ARHGEF3: variants seen among roughly 807,000 people sequenced by gnomAD.
ARHGEF3 encodes 59.8 kDA protein.
A neutral mutation model predicts 63.2 loss-of-function variants in ARHGEF3; 28 were observed. The ratio of observed to expected loss-of-function variants is 0.44; its 90% CI spans 0.33 to 0.61. The LOEUF (loss-of-function observed/expected upper bound fraction) is 0.61, where lower values mean the gene tolerates loss of function less well. Ranked by LOEUF, ARHGEF3 falls within the 20% of genes least tolerant of loss-of-function variation. ARHGEF3 has a pLI of 0.03. For missense variants in ARHGEF3, 533 were observed against 659.3 expected (o/e 0.81, Z 2.10); for synonymous variants, 266 against 254.2 (o/e 1.05, Z -0.44).
At chr3:56,891,253 AG>A (rs2041108585) in intron 3 of ARHGEF3, among the ~76,000 whole-genome samples, 1 of 151,146 alleles carries the variant, frequency 6.6e-6, no homozygotes, top group Non-Finnish European at 1.5e-5. Flanking sequence ...TCTGAGCTCA[AG>A]CAATCCTCTC....
intron 8 of ARHGEF3, among the ~76,000 whole-genome samples, chr3:56,734,644 C>T (rs1156243564): frequency 6.6e-6 from 1 of 152,130 alleles, no homozygotes; most frequent in Non-Finnish European, 1.5e-5. Context: ...AGTGGGAGCA[C>T]ATTCAATATT....
intron 2 of ARHGEF3, among the ~76,000 whole-genome samples, chr3:56,998,407 CTT>C (rs10594789): frequency 0.17 from 24,357 of 144,382 alleles, 2,177 homozygotes; most frequent in Non-Finnish European, 0.21. Context: ...GTCATCCTGA[CTT>C]TTTTTTTTTT....
chr3:56,763,358 C>G (rs2035527888), intron 2 of ARHGEF3, among the ~76,000 whole-genome samples: 1 of 152,152 alleles, frequency 6.6e-6, no homozygotes, highest in African/African-American at 2.4e-5. Flanking sequence ...TAGCAAACAG[C>G]AGACACATCT....
intron 3 of ARHGEF3, among the ~76,000 whole-genome samples, chr3:56,921,855 A>G (rs1409772706): frequency 1.3e-5 from 2 of 152,352 alleles, no homozygotes; most frequent in South Asian, 4.1e-4. Flanking sequence ...GTCTTCATCT[A>G]TGGTTTCAAC....
upstream of ARHGEF3, among the ~76,000 whole-genome samples, chr3:56,805,969 C>T (rs1049159106): frequency 6.6e-6 from 1 of 152,162 alleles, no homozygotes; most frequent in Admixed American, 6.5e-5. Context: ...AGCCTATAAA[C>T]TCAAGCCAGC....
At chr3:56,857,097 C>G (rs2039913999) in intron 4 of ARHGEF3, among the ~76,000 whole-genome samples, 1 of 151,916 alleles carries the variant, frequency 6.6e-6, no homozygotes, top group South Asian at 2.1e-4. Flanking sequence ...AGAAAAAAAG[C>G]CCTACATATT....
At chr3:56,874,177 G>A (rs958938480) in intron 4 of ARHGEF3, among the ~76,000 whole-genome samples, 3 of 152,168 alleles carry the variant, frequency 2.0e-5, no homozygotes, top group Non-Finnish European at 2.9e-5. Flanking sequence ...ACCAAACATA[G>A]GGTATCTGCT....
intron 4 of ARHGEF3, among the ~76,000 whole-genome samples, chr3:56,867,449 T>A (rs2040287386): frequency 1.4e-5 from 2 of 145,920 alleles, no homozygotes. Context: ...TGCCGAGGAG[T>A]TAAAATGCTA....
chr3:56,975,671 G>T lies in ARHGEF3; in HGVS notation c.63-16782C>A, dbSNP rs77998531. 57 of 302,004 alleles carry T rather than the reference G, an allele frequency of 1.9e-4. No homozygotes were observed. The East Asian group carries it at 5.4e-3, about 29-fold the overall frequency. 18.7% of individuals were successfully genotyped at this position (302,004 alleles called of 1,614,324 possible). On this transcript the variant is annotated intron_variant, in intron 2 of 12. Transcript: ENST00000338458. ...GTGGGATTCAAACCCAGGCAATCTG[G>T]CTCTAGAGTTGATGAACAGAGAAAC...
Position 56,968,196 on chromosome 3 carries a change from T to A in ARHGEF3, c.63-9307A>T, listed in dbSNP as rs868586374. On this transcript the variant is annotated intron_variant, in intron 2 of 12. Coordinates refer to the ARHGEF3 transcript ENST00000338458. The stretch of plus-strand genomic sequence containing the variant: ...TATATATAAAAATATATATTATATA[T>A]AATATATAAAAATATATATTATATA... Among the ~76,000 whole-genome samples, 8 of 15,524 alleles carry A rather than the reference T, an allele frequency of 5.2e-4. No homozygotes were observed. In the East Asian group the frequency reaches 0.016, roughly 31 times the overall value. The allele number at this position is 15,524 out of a possible 152,430, so 10.2% of individuals were successfully genotyped here. A position where few individuals can be genotyped will look rare whatever the true frequency, so the allele number is the denominator to read the frequency against.
intron 1 of ARHGEF3, among the ~76,000 whole-genome samples, chr3:57,061,573 T>C (rs575388584): frequency 6.6e-6 from 1 of 152,396 alleles, no homozygotes; most frequent in Admixed American, 6.5e-5. Context: ...ACCTTTTGGC[T>C]ATTGTGAATA....
intron 1 of ARHGEF3, among the ~76,000 whole-genome samples, chr3:56,795,625 C>A (rs1306794397): frequency 2.0e-5 from 3 of 149,476 alleles, no homozygotes; most frequent in Non-Finnish European, 4.4e-5. Context: ...GGAAACCTTT[C>A]CTGATTAACT....
chr3:56,811,621 A>G (rs1242985628), intron 4 of ARHGEF3, among the ~76,000 whole-genome samples: 1 of 152,210 alleles, frequency 6.6e-6, no homozygotes, highest in Non-Finnish European at 1.5e-5. Context: ...TGGGAGCTGA[A>G]TTAAGACAGT....
chr3:56,876,170 A>G (rs1477666281), intron 4 of ARHGEF3, among the ~76,000 whole-genome samples: 1 of 152,154 alleles, frequency 6.6e-6, no homozygotes, highest in Non-Finnish European at 1.5e-5. Flanking sequence ...GAAAACCAGC[A>G]TGGTTGGCCT....
intron 3 of ARHGEF3, among the ~76,000 whole-genome samples, chr3:56,930,459 C>A (rs914594121): frequency 6.6e-6 from 1 of 152,116 alleles, no homozygotes; most frequent in African/African-American, 2.4e-5. Flanking sequence ...GGGAAACCAC[C>A]CAGAAAGCAA....
chr3:56,849,964 T>A (rs1487729294), intron 4 of ARHGEF3, among the ~76,000 whole-genome samples: 3 of 152,200 alleles, frequency 2.0e-5, no homozygotes, highest in East Asian at 3.9e-4. Flanking sequence ...TTAGATCTTA[T>A]CAATTTTTGT....
At chr3:56,841,451 C>A (rs2039305043) in intron 4 of ARHGEF3, among the ~76,000 whole-genome samples, 2 of 152,166 alleles carry the variant, frequency 1.3e-5, no homozygotes, top group South Asian at 4.2e-4. Context: ...ATCAGCTCTG[C>A]ACAGCTCACA....
At chr3:56,738,800 A>G (rs1480317357) in intron 7 of ARHGEF3, among the ~76,000 whole-genome samples, 1 of 152,164 alleles carries the variant, frequency 6.6e-6, no homozygotes, top group Non-Finnish European at 1.5e-5. Flanking sequence ...GGAAAACTCA[A>G]TGACACCAGG....
rs1270205123 is a variant in ARHGEF3 at position 56,872,443 on chromosome 3, T to C, written c.192+9849A>G. Among the ~76,000 whole-genome samples, 5 of 152,356 alleles carry C rather than the reference T, an allele frequency of 3.3e-5. No homozygotes were observed. In the East Asian group the frequency reaches 7.7e-4, roughly 23 times the overall value. On this transcript the variant is annotated intron_variant, in intron 4 of 12. Coordinates refer to the ARHGEF3 transcript ENST00000338458. ...CAAGTCTATATAATTCGGATATTCATGCTGTTTCCAGTTTTAGCTATCATA... is the reference window on the plus strand; with the variant it reads ...CAAGTCTATATAATTCGGATATTCACGCTGTTTCCAGTTTTAGCTATCATA...
Sources: allele counts gnomAD v4.1 joint callset (sites outside exome capture counted in the v4.1 genomes callset), GRCh38; gene constraint gnomAD v4.1.1; transcripts MANE v1.5; gene names NCBI Gene and HGNC (gene_info 2026-07-23, HGNC 2026-07-21).